The following AMBRA1 variants were observed in gnomAD, a reference collection of about 807,000 sequenced individuals.
AMBRA1 encodes autophagy and beclin 1 regulator 1.
A neutral mutation model predicts 125.4 loss-of-function variants in AMBRA1; 47 were observed. The observed-to-expected ratio is 0.37, with a 90% confidence interval of 0.30 to 0.48. The LOEUF is 0.48. AMBRA1 is among the 20% of genes least tolerant of loss of function. The pLI is 0.99. For missense variants in AMBRA1, 1,331 were observed against 1,693.4 expected, an observed-to-expected ratio of 0.79 and a Z score of 3.76; for synonymous variants, 626 against 655.5, an observed-to-expected ratio of 0.95 and a Z score of 0.69.
rs766887174 is a variant in AMBRA1 at position 46,587,628 on chromosome 11, C to T, written c.-121+6200G>A. On this transcript the variant is annotated intron_variant, in intron 1 of 17. Coordinates refer to ENST00000683756, the MANE Select transcript of AMBRA1 (RefSeq NM_001387011.1). ...GGATGCTATGACTGAAGACTCTAAT[C>T]CCTGTAAATACCCAGGGCTCGCCTC... Among the ~76,000 whole-genome samples the T allele has an allele frequency of 1.8e-3, 267 of 152,178 alleles. 1 individual carries two copies. Among genetic ancestry groups the T allele is most frequent in the Non-Finnish European group, 2.9e-3 (196 of 68,040 alleles).
chr11:46,583,594 C>G (rs2044252687), intron 1 of AMBRA1, among the ~76,000 whole-genome samples: 1 of 124,492 alleles, frequency 8.0e-6, no homozygotes, highest in Non-Finnish European at 1.6e-5. Context: ...ATTTTCACAA[C>G]CTACTCATCT....
chr11:46,546,993 C>T, intron 4 of AMBRA1, 120 bp downstream of exon 4: 1 of 902,284 alleles, frequency 1.1e-6, no homozygotes. Flanking sequence ...ATCACTTGAA[C>T]CTGGGAGACG....
At chr11:46,434,027 A>T (rs1370560119) in intron 13 of AMBRA1, among the ~76,000 whole-genome samples, 1 of 149,938 alleles carries the variant, frequency 6.7e-6, no homozygotes, top group Admixed American at 6.7e-5. Context: ...AGGCAGGAGA[A>T]TCGCTTGAAC....
intron 11 of AMBRA1, among the ~76,000 whole-genome samples, chr11:46,485,016 C>A (rs1017073531): frequency 6.6e-6 from 1 of 151,794 alleles, no homozygotes; most frequent in African/African-American, 2.4e-5. Context: ...CAGCTCACTG[C>A]AACCTTTGCC....
At chr11:46,439,470 G>A (rs1157514117) in intron 12 of AMBRA1, among the ~76,000 whole-genome samples, 1 of 152,038 alleles carries the variant, frequency 6.6e-6, no homozygotes, top group Non-Finnish European at 1.5e-5. Flanking sequence ...TAATTAGTTG[G>A]GACAAGTGAG....
At chr11:46,427,692 T>A (rs1947215680) in intron 14 of AMBRA1, among the ~76,000 whole-genome samples, 2 of 152,110 alleles carry the variant, frequency 1.3e-5, no homozygotes, top group African/African-American at 4.8e-5. Flanking sequence ...GCAATCAGAT[T>A]TGGGTGGGAT....
chr11:46,561,679 GCTGA>G (rs1382843450), intron 1 of AMBRA1, among the ~76,000 whole-genome samples: 3 of 152,092 alleles, frequency 2.0e-5, no homozygotes, highest in Non-Finnish European at 4.4e-5. Flanking sequence ...CAGGTTCTTG[GCTGA>G]CTAAAATAGG....
chr11:46,547,015 G>T, intron 4 of AMBRA1, 98 bp downstream of exon 4: 1 of 1,174,176 alleles, frequency 8.5e-7, no homozygotes, highest in Non-Finnish European at 1.2e-6. Context: ...AGGTTGCAGC[G>T]AGCCAAGATC....
At chr11:46,402,271 T>C (rs1457802498) in intron 17 of AMBRA1, among the ~76,000 whole-genome samples, 2 of 152,234 alleles carry the variant, frequency 1.3e-5, no homozygotes, top group Admixed American at 1.3e-4. Context: ...TATGTATTAA[T>C]AAAAGGGCTC....
At chr11:46,580,388 A>G (rs2044128403) in intron 1 of AMBRA1, among the ~76,000 whole-genome samples, 1 of 152,164 alleles carries the variant, frequency 6.6e-6, no homozygotes, top group African/African-American at 2.4e-5. Flanking sequence ...CCTAAAGACT[A>G]CTTACTTGAT....
In AMBRA1 at chr11:46,397,196, C is replaced by T; in HGVS notation, c.*254G>A. 2.6e-6 allele frequency: 1 copy of T among 390,196 alleles called. No individual in the cohort carries two copies. Among genetic ancestry groups the T allele is most frequent in the East Asian group, 3.9e-5 (1 of 25,486 alleles). The allele number at this position is 390,196 out of a possible 1,614,324, so 24.2% of individuals were successfully genotyped here. ...TGCCTGGCAGAGATACCCACTTGTT[C>T]CTCTATTCACATTAAGCCCACAGTG... On this transcript the variant is annotated 3_prime_UTR_variant, in exon 18 of 18. Coordinates refer to ENST00000683756, the MANE Select transcript of AMBRA1 (RefSeq NM_001387011.1).
chr11:46,406,667 G>A (rs576803132), intron 17 of AMBRA1, among the ~76,000 whole-genome samples: 1 of 150,764 alleles, frequency 6.6e-6, no homozygotes, highest in East Asian at 2.0e-4. Flanking sequence ...TATCACTTGA[G>A]GTCAGGAGTT....
intron 11 of AMBRA1, among the ~76,000 whole-genome samples, chr11:46,489,091 G>A (rs1326245285): frequency 6.6e-6 from 1 of 151,962 alleles, no homozygotes; most frequent in Non-Finnish European, 1.5e-5. Flanking sequence ...TACACTTTAA[G>A]TTTTAGGGTA....
chr11:46,458,158 TA>T lies in AMBRA1; in HGVS notation c.2522-14561del, dbSNP rs537512076. ...AATCTGAGGAGAACAGCACTTGTCA[TA>T]AAAAGATAGCTAATTTGAAATAGCT... On this transcript the variant is annotated intron_variant, in intron 11 of 17. Coordinates refer to ENST00000683756, the MANE Select transcript of AMBRA1 (RefSeq NM_001387011.1). Among the ~76,000 whole-genome samples, 74 of 152,308 alleles carry T rather than the reference TA, an allele frequency of 4.9e-4. No individual in the cohort carries two copies. In the South Asian group the frequency reaches 0.01, roughly 21 times the overall value.
chr11:46,558,406 G>T (rs1341376463), intron 1 of AMBRA1, among the ~76,000 whole-genome samples: 1 of 151,746 alleles, frequency 6.6e-6, no homozygotes, highest in African/African-American at 2.4e-5. Flanking sequence ...AAAATTAGCT[G>T]GGCATGGTGG....
intron 1 of AMBRA1, among the ~76,000 whole-genome samples, chr11:46,556,479 T>C (rs1313508280): frequency 1.3e-5 from 2 of 152,240 alleles, no homozygotes; most frequent in Non-Finnish European, 2.9e-5. Context: ...GTGCAAAAGA[T>C]ATCCAAGGAT....
Position 46,547,206 on chromosome 11 carries a change from G to A in AMBRA1, c.285C>T (p.Arg95=), listed in dbSNP as rs1457249711. The A allele has an allele frequency of 6.2e-7, 1 of 1,614,006 alleles. No individual in the cohort carries two copies. Among genetic ancestry groups the A allele is most frequent in the Non-Finnish European group, 8.5e-7 (1 of 1,180,026 alleles). Residue 95 remains arginine, a synonymous_variant, in exon 4 of 18, where the codon CGC becomes CGT. Transcript: ENST00000683756. ...GAAAAGTGACACACCATGGAGTACGGCGGTGTCCAATCAGGGAATGAACAC... is the reference window on the plus strand; with the variant it reads ...GAAAAGTGACACACCATGGAGTACGACGGTGTCCAATCAGGGAATGAACAC... ...GKCVHSLIGH[R]RTPWCVTFHP...
intron 7 of AMBRA1, among the ~76,000 whole-genome samples, chr11:46,520,618 C>T (rs993117338): frequency 6.8e-6 from 1 of 147,726 alleles, no homozygotes; most frequent in Non-Finnish European, 1.5e-5. Flanking sequence ...TTTTTTGAGA[C>T]GGAGTCTCGC....
intron 1 of AMBRA1, among the ~76,000 whole-genome samples, chr11:46,566,015 T>C (rs1191224296): frequency 6.6e-6 from 1 of 152,128 alleles, no homozygotes; most frequent in African/African-American, 2.4e-5. Flanking sequence ...CCTCCCAAAG[T>C]GCTGGGAACA....
Sources: gnomAD v4.1 joint callset for allele counts (sites outside exome capture counted in the v4.1 genomes callset) on GRCh38, gnomAD v4.1.1 for gene constraint, MANE v1.5 for transcripts, NCBI Gene and HGNC (gene_info 2026-07-23, HGNC 2026-07-21) for gene names.